SCHIP1: variants seen among roughly 807,000 people sequenced by gnomAD.
SCHIP1 encodes the protein schwannomin-interacting protein 1.
SCHIP1 carries 8 observed loss-of-function variants against 29.7 expected under a neutral mutation model. The observed-to-expected ratio is 0.27, with a 90% CI of 0.16 to 0.49. The LOEUF (loss-of-function observed/expected upper bound fraction) is 0.49. SCHIP1 is among the 20% of genes least tolerant of loss of function. The probability of loss-of-function intolerance (pLI) is 0.99; values close to 1 mark genes in which losing one functional copy is unlikely to be tolerated. For synonymous variants in SCHIP1, 76 were observed against 94.9 expected (o/e 0.80, Z 1.16); for missense variants, 193 against 294.6 (o/e 0.66, Z 2.52).
At chr3:159,891,326 G>A (rs1331513421) in intron 5 of SCHIP1, among the ~76,000 whole-genome samples, 1 of 151,972 alleles carries the variant, frequency 6.6e-6, no homozygotes, top group Non-Finnish European at 1.5e-5. Flanking sequence ...AGCCGAGATC[G>A]TGCCACTGCA....
the SCHIP1 span, among the ~76,000 whole-genome samples, chr3:159,379,284 C>T: frequency 2.6e-5 from 4 of 151,668 alleles, no homozygotes; most frequent in African/African-American, 9.7e-5. Context: ...TGCAGTGGCA[C>T]GATCTTGGCT....
At chr3:159,468,345 A>C in the SCHIP1 span, among the ~76,000 whole-genome samples, 2 of 152,162 alleles carry the variant, frequency 1.3e-5, no homozygotes, top group Non-Finnish European at 2.9e-5. Flanking sequence ...ATAAGTGAGC[A>C]GACATAAGTA....
At chr3:159,541,351 G>C in the SCHIP1 span, among the ~76,000 whole-genome samples, 5 of 152,004 alleles carry the variant, frequency 3.3e-5, no homozygotes, top group Non-Finnish European at 5.9e-5. Flanking sequence ...ATTCTAAAAT[G>C]GTTTTTAAAA....
the SCHIP1 span, among the ~76,000 whole-genome samples, chr3:159,696,437 G>A: frequency 1.3e-5 from 2 of 152,204 alleles, no homozygotes; most frequent in Non-Finnish European, 1.5e-5. Flanking sequence ...TGTGCTGAGA[G>A]CAGTACATGT....
chr3:159,737,625 T>G, the SCHIP1 span, among the ~76,000 whole-genome samples: 1 of 152,250 alleles, frequency 6.6e-6, no homozygotes, highest in Non-Finnish European at 1.5e-5. Flanking sequence ...CAACTACAAA[T>G]TTGGTATCAT....
At chr3:159,751,125 C>G in the SCHIP1 span, among the ~76,000 whole-genome samples, 3 of 152,166 alleles carry the variant, frequency 2.0e-5, no homozygotes, top group Non-Finnish European at 2.9e-5. Context: ...ATTATGTTAG[C>G]TTTTTATTTA....
the SCHIP1 span, among the ~76,000 whole-genome samples, chr3:159,728,777 T>C: frequency 1.8e-4 from 27 of 152,150 alleles, no homozygotes; most frequent in South Asian, 5.2e-3. Context: ...GGAGAAATAG[T>C]GGGGGACAGT....
chr3:159,758,367 G>A, the SCHIP1 span, among the ~76,000 whole-genome samples: 1 of 152,066 alleles, frequency 6.6e-6, no homozygotes, highest in Non-Finnish European at 1.5e-5. Flanking sequence ...TGGCCAGGCT[G>A]GTCTCGAACT....
chr3:159,792,866 G>C, the SCHIP1 span, among the ~76,000 whole-genome samples: 1 of 152,148 alleles, frequency 6.6e-6, no homozygotes, highest in African/African-American at 2.4e-5. Context: ...CTAGAGTACT[G>C]AATTAAAATT....
chr3:159,450,655 T>G, the SCHIP1 span, among the ~76,000 whole-genome samples: 1 of 152,168 alleles, frequency 6.6e-6, no homozygotes, highest in African/African-American at 2.4e-5. Flanking sequence ...GCACTTGCTG[T>G]GCAAGTACAC....
chr3:159,486,483 T>G, the SCHIP1 span, among the ~76,000 whole-genome samples: 1 of 152,204 alleles, frequency 6.6e-6, no homozygotes, highest in Non-Finnish European at 1.5e-5. Flanking sequence ...CTTTTTAAGA[T>G]TAATATTTCA....
chr3:159,534,959 G>A, the SCHIP1 span, among the ~76,000 whole-genome samples: 5 of 151,946 alleles, frequency 3.3e-5, no homozygotes, highest in South Asian at 2.1e-4. Context: ...TCTCCCTTTC[G>A]TAAGAAGTTT....
At chr3:159,711,206 A>T in the SCHIP1 span, among the ~76,000 whole-genome samples, 5 of 123,128 alleles carry the variant, frequency 4.1e-5, 1 homozygote, top group African/African-American at 1.4e-4. Flanking sequence ...TAAGAAATTT[A>T]AAAAATTAGC....
intron 6 of SCHIP1, among the ~76,000 whole-genome samples, chr3:159,896,065 T>C (rs191452871): frequency 1.3e-4 from 20 of 152,226 alleles, no homozygotes; most frequent in East Asian, 3.9e-4. Flanking sequence ...TTAGGATTAA[T>C]TGGGGGGAAA....
the SCHIP1 span, among the ~76,000 whole-genome samples, chr3:159,733,478 C>T: frequency 1.3e-5 from 2 of 152,012 alleles, no homozygotes; most frequent in Non-Finnish European, 2.9e-5. Flanking sequence ...AGGAGTCCAC[C>T]CAGGAATTTA....
the SCHIP1 span, among the ~76,000 whole-genome samples, chr3:159,484,260 G>A: frequency 1.4e-4 from 22 of 152,226 alleles, no homozygotes; most frequent in African/African-American, 4.1e-4. Flanking sequence ...AAATGAAAAC[G>A]TTACGATTTT....
chr3:159,522,438 G>A, the SCHIP1 span, among the ~76,000 whole-genome samples: 1 of 152,154 alleles, frequency 6.6e-6, no homozygotes, highest in African/African-American at 2.4e-5. Flanking sequence ...TCCAAGGTTT[G>A]TTTTATTTAA....
the SCHIP1 span, among the ~76,000 whole-genome samples, chr3:159,702,515 T>G: frequency 6.6e-6 from 1 of 152,228 alleles, no homozygotes; most frequent in Non-Finnish European, 1.5e-5. Flanking sequence ...TGGCCATCTC[T>G]TTTTCCATGA....
the SCHIP1 span, among the ~76,000 whole-genome samples, chr3:159,824,206 G>A: frequency 3.3e-5 from 5 of 152,160 alleles, no homozygotes; most frequent in Non-Finnish European, 5.9e-5. Context: ...TTAACTTCAA[G>A]TGAAGCTTGA....
Sources: allele counts gnomAD v4.1 joint callset (sites outside exome capture counted in the v4.1 genomes callset), GRCh38; gene constraint gnomAD v4.1.1; transcripts MANE v1.5; gene names NCBI Gene and HGNC (gene_info 2026-07-23, HGNC 2026-07-21).